Variants in SYNE1 observed in about 807,000 individuals in gnomAD.
The protein encoded by SYNE1 is nesprin-1.
SYNE1 carries 616 observed loss-of-function variants against 1,111.0 expected under a neutral mutation model. The ratio of observed to expected loss-of-function variants is 0.55; its 90% CI spans 0.52 to 0.59. The LOEUF (loss-of-function observed/expected upper bound fraction) is 0.59, where lower values mean the gene tolerates loss of function less well. SYNE1 is among the 20% of genes least tolerant of loss of function. The pLI, the probability that SYNE1 is intolerant of heterozygous loss-of-function variation, is 0.00. For synonymous variants in SYNE1, 3,855 were observed against 3,825.8 expected, an observed-to-expected ratio of 1.01 and a Z score of -0.28; for missense variants, 10,006 against 10,417.0, an observed-to-expected ratio of 0.96 and a Z score of 1.72.
chr6:152,339,776 T>C (rs990538436), intron 74 of SYNE1, among the ~76,000 whole-genome samples: 1 of 152,252 alleles, frequency 6.6e-6, no homozygotes, highest in Admixed American at 6.5e-5. Context: ...GTAGGTTTCA[T>C]TGGAGTGAGG....
At chr6:152,197,825 C>T (rs527972519) in intron 127 of SYNE1, among the ~76,000 whole-genome samples, 1 of 152,296 alleles carries the variant, frequency 6.6e-6, no homozygotes, top group South Asian at 2.1e-4. Context: ...TAAATGAACA[C>T]TGACTTTAAG....
At chr6:152,144,020 G>C in intron 137 of SYNE1, 1 of 503,744 alleles carries the variant, frequency 2.0e-6, no homozygotes. Context: ...GTTTTGAACA[G>C]CTTCGTGCAC....
chr6:152,547,264 TC>T (rs1364751004), intron 3 of SYNE1, among the ~76,000 whole-genome samples: 2 of 152,192 alleles, frequency 1.3e-5, no homozygotes, highest in East Asian at 3.8e-4. Flanking sequence ...GTGGTGTTGC[TC>T]TAACAAAAAT....
Position 152,281,870 on chromosome 6 carries a change from C to T in SYNE1, c.18318G>A (p.Leu6106=). 1.2e-6 allele frequency: 2 copies of T among 1,614,148 alleles called. No homozygotes were observed. Among genetic ancestry groups the T allele is most frequent in the Non-Finnish European group, 8.5e-7 (1 of 1,180,032 alleles). The change falls in exon 97 of 146, where the codon CTG becomes CTA. Residue 6106 remains leucine, a synonymous_variant. Coordinates refer to ENST00000367255, the MANE Select transcript of SYNE1 (RefSeq NM_182961.4). ...DSWLLSTKAT[L]DTALSPPKEP... ...CCTTGGGTGGACTCAGCGCAGTGTC[C>T]AGAGTGGCCTTGGTACTCAAGAGCC...
At position 152,350,595 on chromosome 6, in the gene SYNE1, C is replaced by A. The variant is rs371856912; in HGVS notation, c.11733+23G>T. 8.7e-6 allele frequency: 14 copies of A among 1,613,996 alleles called. No individual in the cohort carries two copies. The African/African-American group carries it at 1.7e-4, about 20-fold the overall frequency. On this transcript the variant is annotated intron_variant, in intron 71 of 145. Transcript: ENST00000367255. ...ACATTTTGGAAAATAAACCCTTTTA[C>A]GGAGTCTTTCATCTCTCCTTACCTT... is the stretch of plus-strand genomic sequence containing the variant.
chr6:152,541,721 C>T (rs1211231751), intron 3 of SYNE1, among the ~76,000 whole-genome samples: 2 of 134,650 alleles, frequency 1.5e-5, no homozygotes, highest in African/African-American at 2.7e-5. Flanking sequence ...GCACTCCAGC[C>T]TGGGCGTCAG....
In SYNE1 at chr6:152,628,478, G is replaced by A; in HGVS notation, c.-147C>T. 2 of 778,164 alleles carry A rather than the reference G, an allele frequency of 2.6e-6. No homozygotes were observed. The highest frequency in any genetic ancestry group is 4.5e-6 in the Non-Finnish European group (2 of 448,850). The allele number at this position is 778,164 out of a possible 1,614,324, so 48.2% of individuals were successfully genotyped here. A position where few individuals can be genotyped will look rare whatever the true frequency, so the allele number is the denominator to read the frequency against. On this transcript the variant is annotated 5_prime_UTR_variant, in exon 3 of 146. Transcript: ENST00000367255. ...AGGCCTTTGCAGCACTCAACAAGGA[G>A]GCAGCTCTCCCAAAGACTGAACTGC... is the stretch of plus-strand genomic sequence containing the variant.
At chr6:152,190,796 A>T (rs2072040727) in intron 127 of SYNE1, among the ~76,000 whole-genome samples, 1 of 152,180 alleles carries the variant, frequency 6.6e-6, no homozygotes, top group East Asian at 1.9e-4. Context: ...TAACTCCCAC[A>T]CATAAGTGAA....
Position 152,325,951 on chromosome 6 carries a change from C to T in SYNE1, c.15438+7G>A. ...AGGATTTTTTTTAAATGGCCCAAAA[C>T]TCTGACCTTGTGTTCTGACAATTTT... On this transcript the variant is annotated splice_region_variant and intron_variant, in intron 80 of 145. Coordinates refer to ENST00000367255, the MANE Select transcript of SYNE1 (RefSeq NM_182961.4). The T allele has an allele frequency of 6.2e-7, 1 of 1,614,170 alleles. No homozygotes were observed. Among genetic ancestry groups the T allele is most frequent in the Non-Finnish European group, 8.5e-7 (1 of 1,180,020 alleles).
intron 6 of SYNE1, chr6:152,511,684 T>C: frequency 7.5e-7 from 1 of 1,332,934 alleles, no homozygotes; most frequent in Non-Finnish European, 1.1e-6. Context: ...AAGAGGTAGG[T>C]AGTCAGTTTA....
intron 105 of SYNE1, among the ~76,000 whole-genome samples, chr6:152,246,244 C>T (rs1402256701): frequency 6.6e-6 from 1 of 151,964 alleles, no homozygotes; most frequent in Non-Finnish European, 1.5e-5. Flanking sequence ...TTTCAATATG[C>T]CTTTCGATGA....
At chr6:152,622,556 A>G (rs2099677872) in intron 3 of SYNE1, among the ~76,000 whole-genome samples, 1 of 152,098 alleles carries the variant, frequency 6.6e-6, no homozygotes, top group Non-Finnish European at 1.5e-5. Context: ...GCTAAGGATA[A>G]TGACCTCTAG....
chr6:152,134,974 G>A (rs2056717303), intron 142 of SYNE1, 130 bp downstream of exon 142: 3 of 1,263,198 alleles, frequency 2.4e-6, no homozygotes, highest in Admixed American at 2.0e-5. Context: ...TTAAAAAAGT[G>A]TAAAGTAGAG....
At chr6:152,145,368 A>G (rs537468330) in intron 137 of SYNE1, 1 of 924,198 alleles carries the variant, frequency 1.1e-6, no homozygotes, top group African/African-American at 1.6e-5. Flanking sequence ...GTAAGAGAGG[A>G]AGGCTGTGCC....
rs2095950647 is a variant in SYNE1 at position 152,323,566 on chromosome 6, T to C, written c.15829A>G (p.Ser5277Gly). 3.7e-6 allele frequency: 6 copies of C among 1,614,224 alleles called. No individual in the cohort carries two copies. The highest frequency in any genetic ancestry group is 5.1e-6 in the Non-Finnish European group (6 of 1,180,038). The change falls in exon 82 of 146, where the codon AGC (serine) becomes GGC (glycine). Residue 5277 changes from serine (S) to glycine (G), a missense_variant. Coordinates refer to ENST00000367255, the MANE Select transcript of SYNE1 (RefSeq NM_182961.4). ...GGGGCGGCTCCATCCTGGAGCATGC[T>C]CAGGGTTTGCTGCCGCAGCATGCCC... The part of the protein sequence containing the change: ...ALGMLRQQTL[S>G]MLQDGAAPTP...
chr6:152,605,008 G>GAAAGAA lies in SYNE1; in HGVS notation c.67+23256_67+23257insTTCTTT, dbSNP rs1451861419. ...AGAAAGAAAGAAAGAAAGAAAGAAA[G>GAAAGAA]AGAGAGAGAGAGAGAGAGAGAGAGA... On this transcript the variant is annotated intron_variant, in intron 3 of 145. Transcript: ENST00000367255. Among the ~76,000 whole-genome samples, 234 of 28,712 alleles carry GAAAGAA rather than the reference G, an allele frequency of 8.1e-3. 1 individual carries two copies. The highest frequency in any genetic ancestry group is 0.011 in the Admixed American group (23 of 2,168). 18.8% of individuals were successfully genotyped at this position (28,712 alleles called of 152,430 possible).
intron 105 of SYNE1, among the ~76,000 whole-genome samples, chr6:152,248,067 A>C (rs1426869298): frequency 6.6e-6 from 1 of 152,140 alleles, no homozygotes; most frequent in African/African-American, 2.4e-5. Flanking sequence ...CCATCATGCC[A>C]GTTTGGGTTC....
At chr6:152,367,041 A>T in intron 62 of SYNE1, 177 bp downstream of exon 62, 1 of 775,820 alleles carries the variant, frequency 1.3e-6, no homozygotes, top group South Asian at 1.4e-5. Flanking sequence ...ATCCGGGGTC[A>T]GATGATTCAG....
At chr6:152,540,756 A>G (rs189648442) in intron 3 of SYNE1, among the ~76,000 whole-genome samples, 15 of 152,338 alleles carry the variant, frequency 9.8e-5, no homozygotes, top group Admixed American at 8.5e-4. Flanking sequence ...TAGGCTGTGA[A>G]GTTCCTTTGC....
Sources: gnomAD v4.1 joint callset for allele counts (sites outside exome capture counted in the v4.1 genomes callset) on GRCh38, gnomAD v4.1.1 for gene constraint, MANE v1.5 for transcripts, NCBI Gene and HGNC (gene_info 2026-07-23, HGNC 2026-07-21) for gene names.